NR3C2: variants seen among roughly 807,000 people sequenced by gnomAD.
The protein encoded by NR3C2 is mineralocorticoid receptor.
NR3C2 carries 15 observed loss-of-function variants against 86.4 expected under a neutral mutation model. The ratio of observed to expected loss-of-function variants is 0.17; its 90% CI spans 0.12 to 0.27. NR3C2 has a LOEUF of 0.27. Ranked by LOEUF, NR3C2 falls within the 10% of genes least tolerant of loss-of-function variation. The pLI is 1.00. For synonymous variants in NR3C2, 458 were observed against 450.5 expected, an observed-to-expected ratio of 1.02 and a Z score of -0.21; for missense variants, 960 against 1,195.6, an observed-to-expected ratio of 0.80 and a Z score of 2.91.
intron 2 of NR3C2, among the ~76,000 whole-genome samples, chr4:148,320,861 T>C (rs1743541128): frequency 6.6e-6 from 1 of 150,848 alleles, no homozygotes; most frequent in East Asian, 2.0e-4. Context: ...GAAAGGTTTT[T>C]TGTGTCTCTA....
rs1449807418 is a variant in NR3C2 at position 148,214,152 on chromosome 4, A to C, written c.1898-19290T>G. On this transcript the variant is annotated intron_variant, in intron 3 of 8. Coordinates refer to ENST00000358102, the MANE Select transcript of NR3C2 (RefSeq NM_000901.5). ...AGGGGTCTATTTCCACTTCTGTGCA[A>C]TTGTAAAAGTATAGTCTACCTAGCT... Among the ~76,000 whole-genome samples, 3 of 152,212 alleles carry C rather than the reference A, an allele frequency of 2.0e-5. No individual in the cohort carries two copies. In the South Asian group the frequency reaches 6.2e-4, roughly 32 times the overall value.
intron 3 of NR3C2, among the ~76,000 whole-genome samples, chr4:148,246,401 A>G (rs2149854796): frequency 6.6e-6 from 1 of 152,332 alleles, no homozygotes; most frequent in South Asian, 2.1e-4. Flanking sequence ...AAAATATTTA[A>G]TACAGAGTTG....
In NR3C2 at chr4:148,436,527, C is replaced by T; in HGVS notation, c.334G>A (p.Val112Ile). 1 of 1,614,202 alleles carries T rather than the reference C, an allele frequency of 6.2e-7. No individual in the cohort carries two copies. The highest frequency in any genetic ancestry group is 2.2e-5 in the East Asian group (1 of 44,888). Residue 112 changes from valine (V) to isoleucine (I), a missense_variant, in exon 2 of 9, where the codon GTA becomes ATA. Physicochemically the swap from Val to Ile is conservative, Grantham distance 29 (BLOSUM62 3). Transcript: ENST00000358102. ...TCATAGGAATAGTCAGCATCTCTTA[C>T]AGAATCCATATATAAACCCATGGAC... is the stretch of plus-strand genomic sequence containing the variant. ...AESMGLYMDS[V>I]RDADYSYEQQ...
intron 8 of NR3C2, among the ~76,000 whole-genome samples, chr4:148,094,842 T>C (rs1490371065): frequency 6.6e-6 from 1 of 151,552 alleles, no homozygotes; most frequent in Non-Finnish European, 1.5e-5. Context: ...AAATGTGGCA[T>C]ACACAGAGAG....
At position 148,231,360 on chromosome 4, in the gene NR3C2, T is replaced by C. The variant is rs549383303; in HGVS notation, c.1897+28618A>G. Among the ~76,000 whole-genome samples, 7 of 152,300 alleles carry C rather than the reference T, an allele frequency of 4.6e-5. No homozygotes were observed. The South Asian group carries it at 1.0e-3, about 23-fold the overall frequency. On this transcript the variant is annotated intron_variant, in intron 3 of 8. Transcript: ENST00000358102. The stretch of plus-strand genomic sequence containing the variant: ...AACAAACAGACATGCCTTAGAGATA[T>C]TGAGAGCTCTGTTCCAGATCACCAC...
chr4:148,288,929 C>T (rs1210967023), intron 2 of NR3C2, among the ~76,000 whole-genome samples: 22 of 152,050 alleles, frequency 1.4e-4, no homozygotes. Flanking sequence ...CAGAAAAGTA[C>T]ACCAGTTTAA....
At chr4:148,333,624 C>T (rs1018243530) in intron 2 of NR3C2, among the ~76,000 whole-genome samples, 1 of 152,130 alleles carries the variant, frequency 6.6e-6, no homozygotes, top group Non-Finnish European at 1.5e-5. Context: ...TAGTCCCACA[C>T]AGTCACCTCC....
At chr4:148,178,255 C>T (rs1035900625) in intron 4 of NR3C2, among the ~76,000 whole-genome samples, 1 of 149,370 alleles carries the variant, frequency 6.7e-6, no homozygotes, top group South Asian at 2.2e-4. Flanking sequence ...CACTTGAACC[C>T]GGGAGGCGGA....
intron 4 of NR3C2, among the ~76,000 whole-genome samples, chr4:148,163,857 G>C (rs1734769100): frequency 6.6e-6 from 1 of 152,186 alleles, no homozygotes; most frequent in Non-Finnish European, 1.5e-5. Flanking sequence ...GAGGGGTAAA[G>C]TGACTTATGC....
intron 3 of NR3C2, among the ~76,000 whole-genome samples, chr4:148,252,528 TGGG>T (rs1739627910): frequency 1.3e-5 from 2 of 152,196 alleles, no homozygotes; most frequent in South Asian, 4.1e-4. Context: ...TTAGTACCAA[TGGG>T]AGAGTTACTT....
chr4:148,442,649 G>T, upstream of NR3C2: 2 of 985,476 alleles, frequency 2.0e-6, no homozygotes, highest in Non-Finnish European at 2.4e-6. Flanking sequence ...GGACAATCCA[G>T]GCTGTCAGTC....
chr4:148,365,669 G>C (rs1358146279), intron 2 of NR3C2, among the ~76,000 whole-genome samples: 1 of 152,174 alleles, frequency 6.6e-6, no homozygotes, highest in Non-Finnish European at 1.5e-5. Context: ...ATTTACAGTA[G>C]TGATGAACTT....
At chr4:148,443,455 G>A (rs61760029), upstream of NR3C2, among the ~76,000 whole-genome samples, 812 of 152,170 alleles carry the variant, frequency 5.3e-3, 4 homozygotes, top group Non-Finnish European at 8.5e-3. Flanking sequence ...ACAGACAGGA[G>A]GGGGGAAGGA....
intron 2 of NR3C2, among the ~76,000 whole-genome samples, chr4:148,331,811 A>C (rs1744247646): frequency 6.6e-6 from 1 of 152,222 alleles, no homozygotes; most frequent in Non-Finnish European, 1.5e-5. Flanking sequence ...TCACATACCA[A>C]GTACCATCTC....
chr4:148,152,814 A>G (rs984541338), intron 5 of NR3C2, among the ~76,000 whole-genome samples: 5 of 152,122 alleles, frequency 3.3e-5, no homozygotes, highest in African/African-American at 1.2e-4. Flanking sequence ...AATTCATCCT[A>G]AATTCTAGAT....
chr4:148,436,201 A>T lies in NR3C2; in HGVS notation c.660T>A (p.Phe220Leu). The T allele has an allele frequency of 6.2e-7, 1 of 1,614,164 alleles. No individual in the cohort carries two copies. Among genetic ancestry groups the T allele is most frequent in the Non-Finnish European group, 8.5e-7 (1 of 1,180,020 alleles). The change falls in exon 2 of 9, where the codon TTT (phenylalanine) becomes TTA (leucine). Residue 220 changes from phenylalanine to leucine, a missense_variant. This residue lies in a region of NR3C2 where 680 missense variants were observed against 719.0 expected (regional missense o/e 0.95). Transcript: ENST00000358102. ...TTGGGCTGTGCACTGGAAAACTGCC[A>T]AAGCTGGCTGTGGTGGAGGACACAG... The part of the protein sequence containing the change: ...INSVSSTTAS[F>L]GSFPVHSPIT...
intron 4 of NR3C2, among the ~76,000 whole-genome samples, chr4:148,156,107 T>C (rs1031357977): frequency 1.3e-5 from 2 of 152,054 alleles, no homozygotes; most frequent in Admixed American, 6.5e-5. Context: ...ATACAAAAAT[T>C]AATTCAAGAT....
upstream of NR3C2, chr4:148,444,042 T>C (rs1045256375): frequency 1.0e-6 from 1 of 985,162 alleles, no homozygotes; most frequent in African/African-American, 1.7e-5. Flanking sequence ...GCGTCCCAAC[T>C]TTCCCGCGGG....
chr4:148,151,667 A>G (rs1391065821), intron 6 of NR3C2, among the ~76,000 whole-genome samples: 2 of 152,004 alleles, frequency 1.3e-5, no homozygotes, highest in African/African-American at 2.4e-5. Context: ...TCACCAACCT[A>G]TTTCTCATCT....
Sources: gnomAD v4.1 joint callset for allele counts (sites outside exome capture counted in the v4.1 genomes callset) on GRCh38, gnomAD v4.1.1 for gene constraint, gnomAD v4.1.1 regional missense constraint, MANE v1.5 for transcripts, NCBI Gene and HGNC (gene_info 2026-07-23, HGNC 2026-07-21) for gene names.